The following CPT1A variants were observed in gnomAD, a reference collection of about 807,000 sequenced individuals.
The protein encoded by CPT1A is carnitine O-palmitoyltransferase 1, liver isoform.
CPT1A carries 64 observed loss-of-function variants against 100.8 expected under a neutral mutation model. The ratio of observed to expected loss-of-function variants is 0.63; its 90% confidence interval spans 0.52 to 0.78. CPT1A has a LOEUF of 0.78. Among genes scored for constraint, CPT1A ranks in the 30% least tolerant of loss-of-function variants. The probability of loss-of-function intolerance (pLI) is 0.00; values close to 1 mark genes in which losing one functional copy is unlikely to be tolerated. For missense variants in CPT1A, 802 were observed against 1,034.1 expected (o/e 0.78, Z 3.08); for synonymous variants, 363 against 396.0 (o/e 0.92, Z 0.99).
chr11:68,811,031 T>C (rs1273062988), intron 3 of CPT1A, among the ~76,000 whole-genome samples: 3 of 152,182 alleles, frequency 2.0e-5, no homozygotes, highest in African/African-American at 7.2e-5. Context: ...GAGTTTTCGT[T>C]TACGTCTCTT....
intron 9 of CPT1A, among the ~76,000 whole-genome samples, chr11:68,790,794 C>T (rs752396533): frequency 6.6e-6 from 1 of 152,050 alleles, no homozygotes; most frequent in Non-Finnish European, 1.5e-5. Flanking sequence ...CCAGCATTTC[C>T]CTTGTTTATT....
At chr11:68,760,935 A>C (rs1417922700) in intron 16 of CPT1A, among the ~76,000 whole-genome samples, 2 of 151,928 alleles carry the variant, frequency 1.3e-5, no homozygotes, top group Non-Finnish European at 2.9e-5. Context: ...GCAGGAGAAT[A>C]GCTTGAACCC....
chr11:68,776,950 A>G (rs1435319877), intron 12 of CPT1A, among the ~76,000 whole-genome samples: 1 of 152,176 alleles, frequency 6.6e-6, no homozygotes, highest in Non-Finnish European at 1.5e-5. Context: ...TGAGGGAGGT[A>G]AAAACAACAA....
chr11:68,803,964 G>T, intron 5 of CPT1A, 36 bp downstream of exon 5: 2 of 1,492,590 alleles, frequency 1.3e-6, no homozygotes, highest in Non-Finnish European at 1.9e-6. Context: ...TCCACAGATG[G>T]CTGGCATTTC....
At chr11:68,798,623 C>T (rs1855819663) in intron 6 of CPT1A, among the ~76,000 whole-genome samples, 1 of 152,156 alleles carries the variant, frequency 6.6e-6, no homozygotes, top group Non-Finnish European at 1.5e-5. Context: ...CCACACTCAA[C>T]CCCAGGGAGG....
intron 1 of CPT1A, among the ~76,000 whole-genome samples, chr11:68,818,904 G>C (rs1856505468): frequency 6.6e-6 from 1 of 151,954 alleles, no homozygotes. Context: ...TATTTAGTAG[G>C]CACGCAGCCA....
chr11:68,821,296 GC>G (rs1856575509), intron 1 of CPT1A, among the ~76,000 whole-genome samples: 1 of 152,172 alleles, frequency 6.6e-6, no homozygotes, highest in South Asian at 2.1e-4. Flanking sequence ...GGGATTACAG[GC>G]CCCCACCACC....
chr11:68,813,403 G>T (rs747954039), intron 2 of CPT1A, among the ~76,000 whole-genome samples: 42 of 151,644 alleles, frequency 2.8e-4, no homozygotes, highest in Non-Finnish European at 4.6e-4. Flanking sequence ...GTGGTGGTGG[G>T]CGCCTATAGT....
chr11:68,770,610 G>A (rs1469806900), intron 14 of CPT1A, among the ~76,000 whole-genome samples: 2 of 152,158 alleles, frequency 1.3e-5, no homozygotes, highest in Non-Finnish European at 2.9e-5. Context: ...AACGTGAAAC[G>A]TCTTCTTAGG....
chr11:68,812,376 T>A (rs1409216873), intron 3 of CPT1A, 61 bp downstream of exon 3: 1 of 1,599,172 alleles, frequency 6.3e-7, no homozygotes, highest in East Asian at 2.2e-5. Flanking sequence ...TGAAGAGACA[T>A]AAAAACAGCA....
At chr11:68,763,141 G>A (rs538140200) in intron 14 of CPT1A, among the ~76,000 whole-genome samples, 2 of 152,294 alleles carry the variant, frequency 1.3e-5, no homozygotes, top group South Asian at 2.1e-4. Context: ...GAGCCACTGT[G>A]CCCAGCCTAT....
chr11:68,770,234 GGGGCCCC>G (rs1407736284), intron 14 of CPT1A, among the ~76,000 whole-genome samples: 1 of 152,076 alleles, frequency 6.6e-6, no homozygotes, highest in African/African-American at 2.4e-5. Flanking sequence ...CCTGGAAGGT[GGGGCCCC>G]AGATTCTCGT....
At chr11:68,794,040 G>A (rs1013557716) in intron 8 of CPT1A, among the ~76,000 whole-genome samples, 1 of 152,126 alleles carries the variant, frequency 6.6e-6, no homozygotes, top group Non-Finnish European at 1.5e-5. Context: ...GCTAGTATTA[G>A]TTCAAAAACA....
At chr11:68,834,304 G>A (rs1221503996) in intron 1 of CPT1A, among the ~76,000 whole-genome samples, 2 of 152,146 alleles carry the variant, frequency 1.3e-5, no homozygotes, top group Non-Finnish European at 2.9e-5. Flanking sequence ...AGGTGTGGTG[G>A]TGGGCACTTG....
intron 3 of CPT1A, among the ~76,000 whole-genome samples, chr11:68,807,932 G>C (rs1185319595): frequency 6.6e-6 from 1 of 152,232 alleles, no homozygotes; most frequent in African/African-American, 2.4e-5. Flanking sequence ...TGCTCGGGTG[G>C]CCTCGAAACC....
At chr11:68,766,297 G>A (rs554940177) in intron 14 of CPT1A, among the ~76,000 whole-genome samples, 1 of 152,054 alleles carries the variant, frequency 6.6e-6, no homozygotes, top group African/African-American at 2.4e-5. Flanking sequence ...AAGGGGTCCA[G>A]GGCAGAAAAA....
chr11:68,784,154 C>A (rs563646615), intron 10 of CPT1A, among the ~76,000 whole-genome samples: 2 of 152,206 alleles, frequency 1.3e-5, no homozygotes, highest in Non-Finnish European at 1.5e-5. Context: ...TGAGCCACTG[C>A]GCCCGGCCTG....
intron 3 of CPT1A, 149 bp from the exon 4 acceptor site, chr11:68,807,787 G>A (rs1220829518): frequency 1.3e-5 from 10 of 743,286 alleles, no homozygotes; most frequent in East Asian, 5.4e-5. Context: ...AGCACTTGCA[G>A]GAACTGAGCT....
chr11:68,797,003 C>T lies in CPT1A; in HGVS notation c.694-70G>A, dbSNP rs141121853. On this transcript the variant is annotated intron_variant, in intron 6 of 18. Transcript: ENST00000265641. ...CCAGGCAGGCTCCCTGGCAGCAGCCCAGAGCCGCGGGGAAGGGCAGGCAGT... is the reference window on the plus strand; with the variant it reads ...CCAGGCAGGCTCCCTGGCAGCAGCCTAGAGCCGCGGGGAAGGGCAGGCAGT... The T allele has an allele frequency of 1.2e-3, 1,788 of 1,503,108 alleles. 8 individuals carry two copies. Among genetic ancestry groups the T allele is most frequent in the African/African-American group, 9.6e-3 (696 of 72,578 alleles). The allele number at this position is 1,503,108 out of a possible 1,614,324, so 93.1% of individuals were successfully genotyped here.
Sources: allele counts gnomAD v4.1 joint callset (sites outside exome capture counted in the v4.1 genomes callset), GRCh38; gene constraint gnomAD v4.1.1; transcripts MANE v1.5; gene names NCBI Gene and HGNC (gene_info 2026-07-23, HGNC 2026-07-21).